SGCD: variants seen among roughly 807,000 people sequenced by gnomAD.
SGCD encodes the protein delta-sarcoglycan.
SGCD carries 18 observed loss-of-function variants against 36.6 expected under a neutral mutation model. The observed-to-expected ratio is 0.49, with a 90% CI of 0.34 to 0.73. SGCD has a LOEUF of 0.73. SGCD is among the 30% of genes least tolerant of loss of function. SGCD has a pLI of 0.01. For missense variants in SGCD, 387 were observed against 346.7 expected (o/e 1.12, Z -0.92); for synonymous variants, 133 against 130.6 (o/e 1.02, Z -0.12).
chr5:156,578,353 G>A (rs951636165), intron 4 of SGCD, among the ~76,000 whole-genome samples: 7 of 152,170 alleles, frequency 4.6e-5, no homozygotes, highest in Non-Finnish European at 1.0e-4. Context: ...ATGTTCATCA[G>A]GGATATTGGT....
At position 156,586,809 on chromosome 5, in the gene SGCD, TGAG is replaced by T. The variant is rs1561797059; in HGVS notation, c.295-2419_295-2417del. On this transcript the variant is annotated intron_variant, in intron 4 of 8. Transcript: ENST00000337851. ...ATTAAAAGATGCTGCAGCCTCCTGTTGAGGATTTCTTGTGCCAGCCATTTCTCT... is the reference window on the plus strand; with the variant it reads ...ATTAAAAGATGCTGCAGCCTCCTGTTGATTTCTTGTGCCAGCCATTTCTCT... 2.0e-5 allele frequency among the ~76,000 whole-genome samples: 3 copies of T among 152,224 alleles called. No individual in the cohort carries two copies. In the South Asian group the frequency reaches 6.2e-4, roughly 32 times the overall value.
At chr5:155,806,996 G>T in the SGCD span, among the ~76,000 whole-genome samples, 2 of 152,146 alleles carry the variant, frequency 1.3e-5, no homozygotes, top group Non-Finnish European at 2.9e-5. Flanking sequence ...ATGAGCAATG[G>T]ATGGATAAAT....
intron 1 of SGCD, among the ~76,000 whole-genome samples, chr5:156,023,828 A>G (rs1248977253): frequency 6.8e-6 from 1 of 147,132 alleles, no homozygotes; most frequent in Non-Finnish European, 1.5e-5. Context: ...TGCCATACTT[A>G]ATGCCTCTTA....
At chr5:156,627,871 G>A (rs1762492368) in intron 6 of SGCD, among the ~76,000 whole-genome samples, 1 of 152,112 alleles carries the variant, frequency 6.6e-6, no homozygotes, top group African/African-American at 2.4e-5. Flanking sequence ...ATCAAAATTT[G>A]TGATATGGAA....
At chr5:156,518,898 C>T (rs1757291651) in intron 4 of SGCD, among the ~76,000 whole-genome samples, 1 of 152,056 alleles carries the variant, frequency 6.6e-6, no homozygotes, top group Non-Finnish European at 1.5e-5. Context: ...CATCAGAAAG[C>T]TAGAAAGATC....
chr5:156,056,421 A>G, intron 1 of SGCD, among the ~76,000 whole-genome samples: 1 of 144,956 alleles, frequency 6.9e-6, no homozygotes, highest in East Asian at 1.9e-4. Flanking sequence ...GAATAACATC[A>G]ATATTGTAGG....
chr5:156,330,525 C>T (rs750815388), intron 2 of SGCD, among the ~76,000 whole-genome samples: 3 of 151,790 alleles, frequency 2.0e-5, no homozygotes, highest in Admixed American at 6.6e-5. Flanking sequence ...TTAAGAATAA[C>T]TCTTAGTCTG....
At chr5:156,024,668 A>T (rs925655955) in intron 1 of SGCD, among the ~76,000 whole-genome samples, 2 of 152,116 alleles carry the variant, frequency 1.3e-5, no homozygotes, top group African/African-American at 4.8e-5. Flanking sequence ...TGTGATATTT[A>T]TTTTTTATAA....
chr5:155,893,695 G>A (rs986591281), intron 1 of SGCD, among the ~76,000 whole-genome samples: 2 of 152,166 alleles, frequency 1.3e-5, no homozygotes, highest in African/African-American at 4.8e-5. Context: ...AGACATCATA[G>A]ACATAGATAA....
chr5:156,735,951 A>C (rs1470296971), intron 7 of SGCD, among the ~76,000 whole-genome samples: 2 of 152,112 alleles, frequency 1.3e-5, no homozygotes, highest in Non-Finnish European at 2.9e-5. Flanking sequence ...TGGGTTTATG[A>C]AGGGATCTAC....
intron 3 of SGCD, among the ~76,000 whole-genome samples, chr5:156,277,478 G>T (rs1301811349): frequency 6.6e-6 from 1 of 152,186 alleles, no homozygotes; most frequent in Admixed American, 6.5e-5. Context: ...CACAGAGCTG[G>T]CAGGTTAACC....
At chr5:156,005,513 T>C (rs377660754) in intron 1 of SGCD, among the ~76,000 whole-genome samples, 7 of 152,052 alleles carry the variant, frequency 4.6e-5, no homozygotes, top group South Asian at 2.1e-4. Context: ...TGCAGTGGCG[T>C]GATCTTGGCT....
chr5:156,345,026 C>G (rs1336102120), intron 3 of SGCD, among the ~76,000 whole-genome samples: 1 of 152,072 alleles, frequency 6.6e-6, no homozygotes, highest in East Asian at 1.9e-4. Context: ...AAGTTTTCAG[C>G]AAGTGTAGTG....
chr5:155,748,963 A>C, the SGCD span, among the ~76,000 whole-genome samples: 2 of 152,188 alleles, frequency 1.3e-5, no homozygotes, highest in Non-Finnish European at 2.9e-5. Flanking sequence ...CAAACATTTG[A>C]GAATGATTTT....
the SGCD span, among the ~76,000 whole-genome samples, chr5:155,786,575 G>A: frequency 2.0e-5 from 3 of 152,014 alleles, no homozygotes; most frequent in Non-Finnish European, 2.9e-5. Flanking sequence ...GGAAAGAGGT[G>A]CATGCTATCA....
At chr5:156,532,710 C>T (rs1372070717) in intron 4 of SGCD, among the ~76,000 whole-genome samples, 1 of 152,190 alleles carries the variant, frequency 6.6e-6, no homozygotes, top group Non-Finnish European at 1.5e-5. Flanking sequence ...ATCTGCCCAC[C>T]TCGGCCTCCC....
chr5:155,739,367 G>A, the SGCD span, among the ~76,000 whole-genome samples: 8 of 152,186 alleles, frequency 5.3e-5, no homozygotes, highest in Non-Finnish European at 1.0e-4. Flanking sequence ...GAGAACCAGC[G>A]TGGAAGCCAG....
the SGCD span, among the ~76,000 whole-genome samples, chr5:155,783,576 G>C: frequency 6.6e-6 from 1 of 151,776 alleles, no homozygotes; most frequent in Non-Finnish European, 1.5e-5. Flanking sequence ...CATAGTCACT[G>C]CAAGTATTCT....
intron 3 of SGCD, among the ~76,000 whole-genome samples, chr5:156,428,416 G>A (rs1262313516): frequency 6.6e-6 from 1 of 151,732 alleles, no homozygotes; most frequent in Non-Finnish European, 1.5e-5. Flanking sequence ...GAGCTTATTT[G>A]GATCTTCTCT....
Sources: allele counts gnomAD v4.1 joint callset (sites outside exome capture counted in the v4.1 genomes callset), GRCh38; gene constraint gnomAD v4.1.1; transcripts MANE v1.5; gene names NCBI Gene and HGNC (gene_info 2026-07-23, HGNC 2026-07-21).